The following COL11A1 variants were observed in gnomAD, a reference collection of about 807,000 sequenced individuals.
COL11A1 encodes collagen alpha-1(XI) chain.
A neutral mutation model predicts 265.2 loss-of-function variants in COL11A1; 74 were observed. The observed-to-expected ratio is 0.28, with a 90% confidence interval of 0.23 to 0.34. The LOEUF is 0.34. Among genes scored for constraint, COL11A1 ranks in the 10% least tolerant of loss-of-function variants. COL11A1 has a pLI of 1.00. For synonymous variants in COL11A1, 816 were observed against 727.6 expected (o/e 1.12, Z -1.96); for missense variants, 2,165 against 2,263.6 (o/e 0.96, Z 0.88).
chr1:102,947,933 A>G (rs1375669146), intron 41 of COL11A1, among the ~76,000 whole-genome samples: 1 of 151,928 alleles, frequency 6.6e-6, no homozygotes, highest in East Asian at 1.9e-4. Flanking sequence ...CTAAATGTAA[A>G]ATATTAGAAA....
chr1:102,924,548 T>A (rs747779995), intron 46 of COL11A1, among the ~76,000 whole-genome samples: 1 of 152,216 alleles, frequency 6.6e-6, no homozygotes, highest in Non-Finnish European at 1.5e-5. Context: ...CATTCATCAG[T>A]GATCTTTTAG....
chr1:102,924,019 T>G (rs1348420519), intron 46 of COL11A1, among the ~76,000 whole-genome samples: 2 of 135,382 alleles, frequency 1.5e-5, no homozygotes, highest in Admixed American at 7.6e-5. Flanking sequence ...CCATCCTGGC[T>G]AACACCGGTG....
chr1:102,974,593 T>C (rs932553209), intron 36 of COL11A1, among the ~76,000 whole-genome samples: 4 of 152,178 alleles, frequency 2.6e-5, no homozygotes, highest in African/African-American at 9.6e-5. Context: ...ATGATATTCA[T>C]GTTTTTCTAG....
intron 56 of COL11A1, 107 bp downstream of exon 56, chr1:102,898,559 C>A: frequency 1.3e-6 from 1 of 761,450 alleles, no homozygotes. Flanking sequence ...CAAAATTATC[C>A]ACGTTATAAC....
At chr1:102,979,952 T>G (rs1662881574) in intron 31 of COL11A1, among the ~76,000 whole-genome samples, 1 of 152,148 alleles carries the variant, frequency 6.6e-6, no homozygotes, top group Non-Finnish European at 1.5e-5. Context: ...CCTCCACTTT[T>G]TCGATTTGGT....
intron 4 of COL11A1, among the ~76,000 whole-genome samples, chr1:103,049,884 C>T (rs12130683): frequency 0.14 from 20,896 of 152,046 alleles, 1,537 homozygotes; most frequent in African/African-American, 0.15. Context: ...GAAATGAAAT[C>T]CTGGGCTGAA....
At chr1:102,993,104 T>A (rs1174812023) in intron 28 of COL11A1, among the ~76,000 whole-genome samples, 1 of 152,164 alleles carries the variant, frequency 6.6e-6, no homozygotes, top group Non-Finnish European at 1.5e-5. Context: ...GGCAATTTTC[T>A]TTTAAACACT....
chr1:102,946,422 G>A (rs1245688933), intron 42 of COL11A1, among the ~76,000 whole-genome samples: 1 of 152,082 alleles, frequency 6.6e-6, no homozygotes, highest in African/African-American at 2.4e-5. Flanking sequence ...TCGGAGCTCA[G>A]ATTACATGAG....
At chr1:102,891,719 A>C (rs1273216068) in intron 57 of COL11A1, among the ~76,000 whole-genome samples, 2 of 151,496 alleles carry the variant, frequency 1.3e-5, no homozygotes, top group Non-Finnish European at 2.9e-5. Flanking sequence ...TACAAAAAAA[A>C]AAAAAAAAGC....
intron 1 of COL11A1, among the ~76,000 whole-genome samples, chr1:103,098,014 G>A (rs1248324000): frequency 1.3e-5 from 2 of 151,898 alleles, no homozygotes; most frequent in Non-Finnish European, 2.9e-5. Context: ...AAAACTAGTT[G>A]AGAGTATGAC....
At chr1:102,991,383 T>C (rs542503872) in intron 28 of COL11A1, among the ~76,000 whole-genome samples, 5 of 152,276 alleles carry the variant, frequency 3.3e-5, no homozygotes, top group Admixed American at 6.5e-5. Context: ...ATTTTTACTT[T>C]AAAATATCCT....
At chr1:102,939,133 T>C in intron 43 of COL11A1, 45 bp from the exon 44 acceptor site, 3 of 1,484,118 alleles carry the variant, frequency 2.0e-6, no homozygotes, top group East Asian at 2.3e-5. Flanking sequence ...TAACATGCTA[T>C]TGCATTGTCT....
At chr1:102,992,109 T>A (rs1664199612) in intron 28 of COL11A1, among the ~76,000 whole-genome samples, 1 of 152,184 alleles carries the variant, frequency 6.6e-6, no homozygotes. Flanking sequence ...ATTTTTAAAG[T>A]GAGAATTCAG....
At chr1:103,087,214 T>C (rs1039779916) in intron 1 of COL11A1, among the ~76,000 whole-genome samples, 1 of 152,248 alleles carries the variant, frequency 6.6e-6, no homozygotes, top group Non-Finnish European at 1.5e-5. Context: ...GCAATTCAGA[T>C]GTATCCAATT....
At position 103,108,420 on chromosome 1, in the gene COL11A1, A is replaced by T. The variant is rs1674889427; in HGVS notation, c.-242T>A. 1 of 606,666 alleles carries T rather than the reference A, an allele frequency of 1.6e-6. No individual in the cohort carries two copies. The highest frequency in any genetic ancestry group is 2.9e-6 in the Non-Finnish European group (1 of 341,914). 37.6% of individuals were successfully genotyped at this position (606,666 alleles called of 1,614,324 possible). On this transcript the variant is annotated 5_prime_UTR_variant, in exon 1 of 67. Transcript: ENST00000370096. ...GGGACCCTCCGGCCGCGACCCTCTGATCCTTCCTCTGCCGGGCCCTGCCTT... is the reference window on the plus strand; with the variant it reads ...GGGACCCTCCGGCCGCGACCCTCTGTTCCTTCCTCTGCCGGGCCCTGCCTT...
intron 31 of COL11A1, among the ~76,000 whole-genome samples, chr1:102,983,656 T>G (rs1663250362): frequency 6.6e-6 from 1 of 151,958 alleles, no homozygotes; most frequent in East Asian, 1.9e-4. Flanking sequence ...TCCAGAACTG[T>G]AAGGCAGTGA....
chr1:103,026,076 C>A, intron 6 of COL11A1, 140 bp downstream of exon 6: 1 of 1,227,708 alleles, frequency 8.1e-7, no homozygotes, highest in Non-Finnish European at 1.2e-6. Context: ...CGGCTACTGT[C>A]AAATAAAAAT....
intron 9 of COL11A1, 119 bp from the exon 10 acceptor site, chr1:103,018,978 C>G (rs1209262928): frequency 2.7e-6 from 2 of 739,430 alleles, no homozygotes; most frequent in Admixed American, 5.1e-5. Flanking sequence ...CTATTCATAC[C>G]ACTTAAATTA....
In COL11A1 at chr1:102,921,104, G is replaced by A. The variant is rs115516103; in HGVS notation, c.3708+414C>T. ...ACATGATAAAGGGTGCACCTATCAC[G>A]CACATATTGCTGTAACATTATATAG... On this transcript the variant is annotated intron_variant, in intron 48 of 66. Transcript: ENST00000370096. Among the ~76,000 whole-genome samples, 4,960 of 152,148 alleles carry A rather than the reference G, an allele frequency of 0.033. 107 individuals carry two copies. Among genetic ancestry groups the A allele is most frequent in the Middle Eastern group, 0.086 (25 of 292 alleles).
Sources: allele counts gnomAD v4.1 joint callset (sites outside exome capture counted in the v4.1 genomes callset), GRCh38; gene constraint gnomAD v4.1.1; transcripts MANE v1.5; gene names NCBI Gene and HGNC (gene_info 2026-07-23, HGNC 2026-07-21).